Variants in SORBS2 observed in about 807,000 individuals in gnomAD.
SORBS2 encodes the protein sorbin and SH3 domain containing 2.
SORBS2 carries 46 observed loss-of-function variants against 97.7 expected under a neutral mutation model. The ratio of observed to expected loss-of-function variants is 0.47; its 90% CI spans 0.37 to 0.60. The LOEUF is 0.60. Ranked by LOEUF, SORBS2 falls within the 20% of genes least tolerant of loss-of-function variation. The pLI is 0.00. For missense variants in SORBS2, 1,316 were observed against 1,282.3 expected (o/e 1.03, Z -0.40); for synonymous variants, 476 against 473.4 (o/e 1.01, Z -0.07).
intron 1 of SORBS2, among the ~76,000 whole-genome samples, chr4:185,910,960 T>TAAAA (rs905937534): frequency 6.6e-6 from 1 of 150,416 alleles, no homozygotes. Context: ...TTTGATTTTT[T>TAAAA]AAAAAAAAAA....
chr4:185,725,502 T>C (rs1251919335), intron 2 of SORBS2, among the ~76,000 whole-genome samples: 1 of 152,212 alleles, frequency 6.6e-6, no homozygotes, highest in Non-Finnish European at 1.5e-5. Flanking sequence ...TGAGTTTCAA[T>C]TTCCTCACCT....
At chr4:185,783,045 G>A (rs2099038787) in intron 1 of SORBS2, among the ~76,000 whole-genome samples, 1 of 152,142 alleles carries the variant, frequency 6.6e-6, no homozygotes, top group Admixed American at 6.5e-5. Context: ...AACAAGCCAT[G>A]GCACAATTCC....
intron 4 of SORBS2, among the ~76,000 whole-genome samples, chr4:185,672,631 T>C (rs569119145): frequency 6.6e-6 from 1 of 152,336 alleles, no homozygotes; most frequent in African/African-American, 2.4e-5. Flanking sequence ...TTTCTAACAG[T>C]GACCTGTAGT....
intron 1 of SORBS2, among the ~76,000 whole-genome samples, chr4:185,898,896 C>T (rs1311798482): frequency 2.6e-5 from 4 of 152,072 alleles, no homozygotes; most frequent in African/African-American, 7.2e-5. Context: ...TTGTGGATGA[C>T]GTGTTTAATG....
intron 4 of SORBS2, among the ~76,000 whole-genome samples, chr4:185,632,924 T>C (rs2096931438): frequency 6.6e-6 from 1 of 152,150 alleles, no homozygotes; most frequent in Non-Finnish European, 1.5e-5. Flanking sequence ...AAAATCTAGA[T>C]TGATGACTGA....
At position 185,606,548 on chromosome 4, in the gene SORBS2, C is replaced by T. The variant is rs1019655658; in HGVS notation, c.2796+5232G>A. 2.2e-5 allele frequency: 22 copies of T among 984,802 alleles called. No individual in the cohort carries two copies. The highest frequency in any genetic ancestry group is 6.2e-5 in the Admixed American group (1 of 16,248). 61.0% of individuals were successfully genotyped at this position (984,802 alleles called of 1,614,324 possible). On this transcript the variant is annotated intron_variant, in intron 12 of 14. Coordinates refer to ENST00000418609, the Ensembl canonical transcript of SORBS2. This position sits in a 1 kb window ranked among gnomAD's most constrained non-coding sequence, Gnocchi z 4.3. ...CTCTAATAGCTAATCATGGTAAGGC[C>T]GGTTAGTTCTTCCATAATCAGACAA...
intron 1 of SORBS2, among the ~76,000 whole-genome samples, chr4:185,811,350 GC>G (rs2099183471): frequency 6.6e-6 from 1 of 152,168 alleles, no homozygotes; most frequent in African/African-American, 2.4e-5. Flanking sequence ...TTGTTCACAA[GC>G]GAGAAATGTT....
chr4:185,829,352 A>C (rs917475871), intron 1 of SORBS2, among the ~76,000 whole-genome samples: 1 of 152,244 alleles, frequency 6.6e-6, no homozygotes, highest in African/African-American at 2.4e-5. Flanking sequence ...ACAGTAGCAT[A>C]GTATCTATGA....
At chr4:185,744,589 A>T (rs1383462669) in intron 2 of SORBS2, among the ~76,000 whole-genome samples, 1 of 152,264 alleles carries the variant, frequency 6.6e-6, no homozygotes, top group Non-Finnish European at 1.5e-5. Context: ...CAAACCATGC[A>T]GGCAGGTGGT....
At chr4:185,856,540 C>A (rs1049478395) in intron 1 of SORBS2, among the ~76,000 whole-genome samples, 3 of 152,102 alleles carry the variant, frequency 2.0e-5, no homozygotes, top group South Asian at 2.1e-4. Flanking sequence ...AGCATTAAAG[C>A]ATCTCCAGTA....
chr4:185,601,273 A>G (rs141748799), intron 12 of SORBS2, among the ~76,000 whole-genome samples: 1 of 152,316 alleles, frequency 6.6e-6, no homozygotes, highest in African/African-American at 2.4e-5. Context: ...TTGGGTAGGC[A>G]CATGGCCATT....
intron 2 of SORBS2, among the ~76,000 whole-genome samples, chr4:185,750,217 A>G (rs1584085471): frequency 6.6e-6 from 1 of 152,382 alleles, no homozygotes; most frequent in Non-Finnish European, 1.5e-5. Context: ...GGGCAAAAAG[A>G]AAAGGATGGC....
rs931762902 is a variant in SORBS2, at chr4:185,596,182, T to C, written c.2797-2247A>G. Reference sequence around the variant, plus strand: ...TTAAACCATTTTAATATTTTAAAATTGAGTAAAAGTTTCAACTTCTACATC... The same window carrying C: ...TTAAACCATTTTAATATTTTAAAATCGAGTAAAAGTTTCAACTTCTACATC... On this transcript the variant is annotated intron_variant, in intron 12 of 14. Transcript: ENST00000418609. Among the ~76,000 whole-genome samples the C allele has an allele frequency of 5.9e-5, 9 of 152,364 alleles. No individual in the cohort carries two copies. The South Asian group carries it at 1.0e-3, about 18-fold the overall frequency.
intron 1 of SORBS2, among the ~76,000 whole-genome samples, chr4:185,809,662 C>T (rs10031672): frequency 0.31 from 47,251 of 151,770 alleles, 7,824 homozygotes; most frequent in East Asian, 0.6. Flanking sequence ...TATGGAGATG[C>T]GCTGTACAGA....
intron 1 of SORBS2, among the ~76,000 whole-genome samples, chr4:185,838,001 G>A (rs1499012): frequency 0.71 from 108,463 of 152,088 alleles, 39,189 homozygotes; most frequent in Non-Finnish European, 0.75. Flanking sequence ...CATTTCCTCT[G>A]GTCTGAAAGT....
At chr4:185,593,700 T>A in intron 13 of SORBS2, 186 bp downstream of exon 25, 1 of 552,682 alleles carries the variant, frequency 1.8e-6, no homozygotes, top group Non-Finnish European at 3.2e-6. Flanking sequence ...TATGGGTTCT[T>A]TTAAAAATTA....
At position 185,623,295 on chromosome 4, in the gene SORBS2, T is replaced by C; in HGVS notation, c.1834A>G (p.Arg612Gly). Residue 612 changes from arginine (R) to glycine (G), a missense_variant, in exon 7 of 15, where the codon AGG becomes GGG. By Grantham distance (125) the Arg-to-Gly change is moderately radical. Transcript: ENST00000418609. The surrounding 1 kb of genome is among the most constrained non-coding windows in gnomAD (Gnocchi z 6.4). ...TTCTTAGGAGCCGAATTTTTTTTCC[T>C]CCGGAAAGGCACAGGACTGACTAGA... 1 of 1,614,122 alleles carries C rather than the reference T, an allele frequency of 6.2e-7. No homozygotes were observed. Among genetic ancestry groups the C allele is most frequent in the Non-Finnish European group, 8.5e-7 (1 of 1,180,030 alleles).
intron 1 of SORBS2, among the ~76,000 whole-genome samples, chr4:185,653,903 T>C (rs2097354179): frequency 6.6e-6 from 1 of 152,220 alleles, no homozygotes; most frequent in African/African-American, 2.4e-5. Context: ...GATCTCGATT[T>C]AAAAACTTCT....
At chr4:185,780,041 G>A (rs1373304652) in intron 1 of SORBS2, among the ~76,000 whole-genome samples, 1 of 132,950 alleles carries the variant, frequency 7.5e-6, no homozygotes. Flanking sequence ...TTGAGACGGA[G>A]TTTTGCTCTT....
Sources: gnomAD v4.1 joint callset for allele counts (sites outside exome capture counted in the v4.1 genomes callset) on GRCh38, gnomAD v4.1.1 for gene constraint, Gnocchi (gnomAD v3.1) non-coding constraint, MANE v1.5 for transcripts, NCBI Gene and HGNC (gene_info 2026-07-23, HGNC 2026-07-21) for gene names.